The following ASIC2 variants were observed in gnomAD, a reference collection of about 807,000 sequenced individuals.
ASIC2 encodes the protein acid-sensing ion channel 2.
In ASIC2, 25 loss-of-function variants were observed where a neutral mutation model predicts 57.3. The ratio of observed to expected loss-of-function variants is 0.44; its 90% CI spans 0.32 to 0.61. The LOEUF (loss-of-function observed/expected upper bound fraction) is 0.61, where lower values mean the gene tolerates loss of function less well. ASIC2 is among the 20% of genes least tolerant of loss of function. ASIC2 has a pLI of 0.06. For missense variants in ASIC2, 641 were observed against 738.1 expected, an observed-to-expected ratio of 0.87 and a Z score of 1.52; for synonymous variants, 319 against 307.5, an observed-to-expected ratio of 1.04 and a Z score of -0.39.
intron 1 of ASIC2, among the ~76,000 whole-genome samples, chr17:33,903,397 C>T (rs532669454): frequency 2.6e-5 from 4 of 152,166 alleles, no homozygotes; most frequent in Non-Finnish European, 5.9e-5. Context: ...TGTTTTATAG[C>T]TCACCAGGCC....
At chr17:33,339,089 A>T (rs969355948) in intron 1 of ASIC2, among the ~76,000 whole-genome samples, 1 of 152,204 alleles carries the variant, frequency 6.6e-6, no homozygotes, top group Non-Finnish European at 1.5e-5. Flanking sequence ...TTTTACCACG[A>T]TAAAAATTAA....
intron 1 of ASIC2, among the ~76,000 whole-genome samples, chr17:33,821,892 T>G (rs1912755545): frequency 6.6e-6 from 1 of 152,114 alleles, no homozygotes; most frequent in Non-Finnish European, 1.5e-5. Context: ...GGTATAACAG[T>G]GAGCCCCTTT....
At chr17:33,714,895 G>T (rs557797736) in intron 1 of ASIC2, among the ~76,000 whole-genome samples, 1 of 147,542 alleles carries the variant, frequency 6.8e-6, no homozygotes, top group Non-Finnish European at 1.5e-5. Flanking sequence ...GTTCACTGCT[G>T]TAGCCTTGAA....
At chr17:33,978,737 C>A (rs1219232488) in intron 1 of ASIC2, among the ~76,000 whole-genome samples, 1 of 152,136 alleles carries the variant, frequency 6.6e-6, no homozygotes, top group African/African-American at 2.4e-5. Flanking sequence ...TCTGCAGATG[C>A]CTCCAACCCT....
At chr17:33,558,792 T>C (rs1220002607) in intron 1 of ASIC2, among the ~76,000 whole-genome samples, 2 of 152,190 alleles carry the variant, frequency 1.3e-5, no homozygotes, top group Admixed American at 1.3e-4. Context: ...GACATGATCC[T>C]TACTGTTGTT....
intron 1 of ASIC2, among the ~76,000 whole-genome samples, chr17:34,086,291 TA>T (rs1340935292): frequency 2.0e-5 from 3 of 152,200 alleles, no homozygotes; most frequent in Admixed American, 2.0e-4. Flanking sequence ...TTCATTTCAT[TA>T]TGTACCAAGT....
At chr17:34,035,718 C>T (rs1197261725) in intron 1 of ASIC2, among the ~76,000 whole-genome samples, 5 of 150,318 alleles carry the variant, frequency 3.3e-5, no homozygotes, top group Admixed American at 2.0e-4. Context: ...AAAAAGTGGG[C>T]AAAGGATATG....
chr17:33,143,523 A>G (rs1038201044), intron 1 of ASIC2, among the ~76,000 whole-genome samples: 1 of 152,232 alleles, frequency 6.6e-6, no homozygotes, highest in Admixed American at 6.5e-5. Context: ...TTTTGGGAAG[A>G]ATAGAAAATT....
chr17:34,055,709 T>C (rs1271161412), intron 1 of ASIC2, among the ~76,000 whole-genome samples: 1 of 152,212 alleles, frequency 6.6e-6, no homozygotes, highest in Non-Finnish European at 1.5e-5. Context: ...GTGTCAGTAG[T>C]TTGCTTTTTA....
At chr17:33,722,284 C>T (rs1026563530) in intron 1 of ASIC2, among the ~76,000 whole-genome samples, 7 of 152,176 alleles carry the variant, frequency 4.6e-5, no homozygotes, top group African/African-American at 1.7e-4. Context: ...CATTTGCTTT[C>T]TGCCATGATT....
intron 1 of ASIC2, among the ~76,000 whole-genome samples, chr17:33,796,079 C>T (rs1037026544): frequency 2.0e-5 from 3 of 152,212 alleles, no homozygotes; most frequent in African/African-American, 7.2e-5. Context: ...ACTTAATAGG[C>T]CAAGTGCCAC....
intron 1 of ASIC2, among the ~76,000 whole-genome samples, chr17:33,268,350 CAT>C (rs1909553458): frequency 1.2e-5 from 1 of 83,428 alleles, no homozygotes; most frequent in Non-Finnish European, 2.5e-5. Context: ...ATCATCCATC[CAT>C]CCATCCATCC....
At chr17:34,070,588 C>G (rs1267339347) in intron 1 of ASIC2, 1 of 152,176 alleles carries the variant, frequency 6.6e-6, no homozygotes, top group Non-Finnish European at 1.5e-5. Context: ...CCATAGGCTC[C>G]CTGAGTCCCA....
intron 1 of ASIC2, among the ~76,000 whole-genome samples, chr17:33,732,733 G>A (rs928776531): frequency 4.6e-5 from 7 of 151,922 alleles, no homozygotes; most frequent in Admixed American, 4.6e-4. Flanking sequence ...TGCCTCCTGG[G>A]TTCAAGTGAT....
At chr17:33,627,233 A>C (rs1906015798) in intron 1 of ASIC2, 1 of 152,254 alleles carries the variant, frequency 6.6e-6, no homozygotes, top group South Asian at 2.1e-4. Flanking sequence ...CTAGAGACAC[A>C]GGCATGTCTT....
chr17:33,897,466 T>C (rs1915124512), intron 1 of ASIC2, among the ~76,000 whole-genome samples: 2 of 152,368 alleles, frequency 1.3e-5, no homozygotes, highest in Middle Eastern at 3.4e-3. Context: ...ATCTGCTATA[T>C]GGTGGTATAC....
intron 3 of ASIC2, among the ~76,000 whole-genome samples, chr17:33,070,271 A>C (rs1311956045): frequency 6.6e-6 from 1 of 152,170 alleles, no homozygotes; most frequent in Non-Finnish European, 1.5e-5. Flanking sequence ...GTAAATGTAA[A>C]TAACAAGGAA....
At chr17:33,135,991 G>C (rs1306289895) in intron 1 of ASIC2, among the ~76,000 whole-genome samples, 1 of 152,182 alleles carries the variant, frequency 6.6e-6, no homozygotes, top group Non-Finnish European at 1.5e-5. Context: ...TAGACGGGTA[G>C]CAAAGTAATG....
intron 1 of ASIC2, among the ~76,000 whole-genome samples, chr17:33,616,369 G>A (rs905217360): frequency 4.6e-5 from 7 of 152,318 alleles, no homozygotes; most frequent in Non-Finnish European, 1.0e-4. Context: ...GCATCTCCCA[G>A]TGTATACGAT....
Sources: allele counts gnomAD v4.1 joint callset (sites outside exome capture counted in the v4.1 genomes callset), GRCh38; gene constraint gnomAD v4.1.1; transcripts MANE v1.5; gene names NCBI Gene and HGNC (gene_info 2026-07-23, HGNC 2026-07-21).